Variants in PLXNC1 observed in about 807,000 individuals in gnomAD.
PLXNC1 encodes plexin-C1.
Under a neutral mutation model 178.2 loss-of-function variants are expected in PLXNC1, and 75 were observed. The observed-to-expected ratio is 0.42, with a 90% CI of 0.35 to 0.51. The LOEUF is 0.51. PLXNC1 is among the 20% of genes least tolerant of loss of function. The probability of loss-of-function intolerance (pLI) is 0.02; values close to 1 mark genes in which losing one functional copy is unlikely to be tolerated. For synonymous variants in PLXNC1, 790 were observed against 779.9 expected (o/e 1.01, Z -0.22); for missense variants, 1,503 against 1,984.4 (o/e 0.76, Z 4.61).
At chr12:94,214,972 C>T (rs560004570) in intron 5 of PLXNC1, among the ~76,000 whole-genome samples, 1 of 152,178 alleles carries the variant, frequency 6.6e-6, no homozygotes, top group Admixed American at 6.5e-5. Context: ...TCATGGTTCA[C>T]TGCAACCTCT....
At position 94,265,209 on chromosome 12, in the gene PLXNC1, C is replaced by T. The variant is rs765541538; in HGVS notation, c.3581C>T (p.Pro1194Leu). ...LNEDWLLWQV[P>L]EFSTVALNVV... ...GAAGACTGGCTGTTGTGGCAGGTTCCGGAATTCAGTACTGTGGTATGTTTT... is the reference window on the plus strand; with the variant it reads ...GAAGACTGGCTGTTGTGGCAGGTTCTGGAATTCAGTACTGTGGTATGTTTT... Residue 1194 changes from proline to leucine, a missense_variant, in exon 21 of 31, where the codon CCG (proline) becomes CTG (leucine). By Grantham distance (98) the Pro-to-Leu change is moderately conservative. Coordinates refer to ENST00000258526, the MANE Select transcript of PLXNC1 (RefSeq NM_005761.3). 3.7e-6 allele frequency: 6 copies of T among 1,611,486 alleles called. No homozygotes were observed. The highest frequency in any genetic ancestry group is 3.3e-5 in the Admixed American group (2 of 59,930).
intron 9 of PLXNC1, among the ~76,000 whole-genome samples, chr12:94,236,818 TAGAC>T (rs1964254675): frequency 2.0e-5 from 3 of 152,222 alleles, no homozygotes; most frequent in Admixed American, 2.0e-4. Flanking sequence ...ATCAGAATGA[TAGAC>T]AGTAGCATCT....
Position 94,305,591 on chromosome 12 carries a change from A to G in PLXNC1, c.*306A>G. ...AGTATTGTAACTACAGTCTCCACTT[A>G]AGCACAATGATATAAGTGGTTTTGT... is the stretch of plus-strand genomic sequence containing the variant. On this transcript the variant is annotated 3_prime_UTR_variant, in exon 31 of 31. Transcript: ENST00000258526. The G allele has an allele frequency of 3.7e-6, 1 of 271,214 alleles. No individual in the cohort carries two copies. The highest frequency in any genetic ancestry group is 7.0e-6 in the Non-Finnish European group (1 of 142,888). 16.8% of individuals were successfully genotyped at this position (271,214 alleles called of 1,614,324 possible).
chr12:94,190,213 G>A (rs1348413958), intron 4 of PLXNC1, among the ~76,000 whole-genome samples: 1 of 152,062 alleles, frequency 6.6e-6, no homozygotes, highest in African/African-American at 2.4e-5. Flanking sequence ...AAGACATGGG[G>A]GCTTCTGTTG....
Position 94,194,029 on chromosome 12 carries a change from C to T in PLXNC1, c.1439+7556C>T, listed in dbSNP as rs1024068897. Among the ~76,000 whole-genome samples, 13 of 151,992 alleles carry T rather than the reference C, an allele frequency of 8.6e-5. No homozygotes were observed. In the South Asian group the frequency reaches 1.0e-3, roughly 12 times the overall value. ...GGTTCTGCTGGCTGTACAGGAAGCA[C>T]GATACTGGCATCTGCTCAGCTTCTG... On this transcript the variant is annotated intron_variant, in intron 4 of 30. Coordinates refer to ENST00000258526, the MANE Select transcript of PLXNC1 (RefSeq NM_005761.3).
At chr12:94,175,833 A>G (rs566761370) in intron 2 of PLXNC1, among the ~76,000 whole-genome samples, 4 of 152,304 alleles carry the variant, frequency 2.6e-5, no homozygotes, top group Admixed American at 1.3e-4. Context: ...GTGGGAAGAA[A>G]AAGACAGAAA....
At chr12:94,296,265 A>G (rs1336154157) in intron 24 of PLXNC1, among the ~76,000 whole-genome samples, 2 of 152,096 alleles carry the variant, frequency 1.3e-5, no homozygotes, top group South Asian at 4.2e-4. Context: ...GGCTCAAATG[A>G]TCCTCCCACC....
chr12:94,159,394 A>C (rs902822574), intron 1 of PLXNC1, among the ~76,000 whole-genome samples: 2 of 152,198 alleles, frequency 1.3e-5, no homozygotes, highest in African/African-American at 4.8e-5. Flanking sequence ...TGTTGGGGTA[A>C]GTTCTCTTTA....
chr12:94,288,387 G>C (rs138183102), intron 23 of PLXNC1, among the ~76,000 whole-genome samples: 2 of 152,104 alleles, frequency 1.3e-5, no homozygotes, highest in African/African-American at 4.8e-5. Flanking sequence ...TCAGGTCTTC[G>C]CAGTTTCCCA....
At chr12:94,262,792 T>C (rs1003112751) in intron 20 of PLXNC1, 38 of 984,248 alleles carry the variant, frequency 3.9e-5, no homozygotes, top group Non-Finnish European at 7.2e-6. Context: ...ACACCAAGGA[T>C]TTGTGGGTAA....
At chr12:94,173,065 T>A (rs1272851725) in intron 2 of PLXNC1, among the ~76,000 whole-genome samples, 1 of 152,166 alleles carries the variant, frequency 6.6e-6, no homozygotes, top group Admixed American at 6.5e-5. Context: ...CGCAGTTATT[T>A]CCCCATCCTG....
chr12:94,273,904 C>A (rs1192641461), intron 21 of PLXNC1, among the ~76,000 whole-genome samples: 1 of 152,104 alleles, frequency 6.6e-6, no homozygotes, highest in Non-Finnish European at 1.5e-5. Context: ...GAGCTCCAAG[C>A]CGGTCCCTAC....
intron 5 of PLXNC1, among the ~76,000 whole-genome samples, chr12:94,214,010 G>A (rs11107451): frequency 0.2 from 29,717 of 151,604 alleles, 3,063 homozygotes; most frequent in Middle Eastern, 0.26. Flanking sequence ...AGGATTACAG[G>A]CACATGCCAC....
chr12:94,169,386 G>T (rs1961756800), intron 2 of PLXNC1, 93 bp downstream of exon 2: 3 of 1,082,862 alleles, frequency 2.8e-6, no homozygotes, highest in Non-Finnish European at 2.7e-6. Flanking sequence ...GGTTATACAT[G>T]AGACCAAACC....
chr12:94,151,026 C>T (rs1235547390), intron 1 of PLXNC1, among the ~76,000 whole-genome samples: 1 of 152,154 alleles, frequency 6.6e-6, no homozygotes, highest in Non-Finnish European at 1.5e-5. Context: ...GTTTCCCTTC[C>T]AAGGCGGCTG....
At chr12:94,169,014 T>C in intron 1 of PLXNC1, 139 bp from the exon 2 acceptor site, 1 of 743,086 alleles carries the variant, frequency 1.3e-6, no homozygotes, top group Non-Finnish European at 2.2e-6. Context: ...TCCCGGGGAA[T>C]CTAGTCTAAG....
In PLXNC1 at chr12:94,255,175, T is replaced by C; in HGVS notation, c.2984-18T>C. On this transcript the variant is annotated intron_variant, in intron 16 of 30. Transcript: ENST00000258526. Reference sequence around the variant, plus strand: ...GTTTGTTGAGTTAAAATATTGCTCTTGGGATTCTGTTTTGCAGGCTTTGCT... The same window carrying C: ...GTTTGTTGAGTTAAAATATTGCTCTCGGGATTCTGTTTTGCAGGCTTTGCT... 6.3e-7 allele frequency: 1 copy of C among 1,583,940 alleles called. No homozygotes were observed. The highest frequency in any genetic ancestry group is 8.7e-7 in the Non-Finnish European group (1 of 1,152,388).
intron 1 of PLXNC1, 121 bp downstream of exon 1, chr12:94,150,154 A>G (rs949956438): frequency 6.0e-6 from 5 of 829,644 alleles, no homozygotes; most frequent in Non-Finnish European, 7.2e-6. Flanking sequence ...GACATTTACC[A>G]GGTCTCAGGT....
intron 1 of PLXNC1, chr12:94,157,984 A>C (rs1292870197): frequency 6.6e-6 from 1 of 152,190 alleles, no homozygotes; most frequent in Non-Finnish European, 1.5e-5. Flanking sequence ...TAAAATGCAA[A>C]AGCTATTCTT....
Sources: allele counts gnomAD v4.1 joint callset (sites outside exome capture counted in the v4.1 genomes callset), GRCh38; gene constraint gnomAD v4.1.1; transcripts MANE v1.5; gene names NCBI Gene and HGNC (gene_info 2026-07-23, HGNC 2026-07-21).